PDE12: variants seen among roughly 807,000 people sequenced by gnomAD.
PDE12 encodes the protein 2',5'-phosphodiesterase 12.
PDE12 carries 26 observed loss-of-function variants against 45.4 expected under a neutral mutation model. The observed-to-expected ratio is 0.57, with a 90% CI of 0.42 to 0.79. The LOEUF (loss-of-function observed/expected upper bound fraction) is 0.79. PDE12 is among the 30% of genes least tolerant of loss of function. PDE12 has a pLI of 0.00. For synonymous variants in PDE12, 283 were observed against 323.9 expected, an observed-to-expected ratio of 0.87 and a Z score of 1.36; for missense variants, 668 against 790.0, an observed-to-expected ratio of 0.85 and a Z score of 1.85.
chr3:57,569,969 C>T (rs926284838), downstream of PDE12, among the ~76,000 whole-genome samples: 1 of 152,078 alleles, frequency 6.6e-6, no homozygotes, highest in South Asian at 2.1e-4. Context: ...ATACCTAGCC[C>T]TAACGCTGAA....
chr3:57,628,882 A>G, the PDE12 span: 1 of 1,611,888 alleles, frequency 6.2e-7, no homozygotes, highest in East Asian at 2.2e-5. Flanking sequence ...CAGAGAAGTA[A>G]GTCCTAGAAT....
chr3:57,593,168 G>A, the PDE12 span, among the ~76,000 whole-genome samples: 1 of 152,238 alleles, frequency 6.6e-6, no homozygotes, highest in East Asian at 1.9e-4. Context: ...CATGCCACCT[G>A]TATGTGCCCC....
chr3:57,646,031 C>A, the PDE12 span, among the ~76,000 whole-genome samples: 2 of 152,152 alleles, frequency 1.3e-5, no homozygotes, highest in Admixed American at 1.3e-4. Context: ...TGATCATTCA[C>A]ACAAGTAATA....
At chr3:57,606,665 G>A in the PDE12 span, among the ~76,000 whole-genome samples, 1 of 152,006 alleles carries the variant, frequency 6.6e-6, no homozygotes, top group African/African-American at 2.4e-5. Flanking sequence ...CAAAATTTAT[G>A]AACTATAATA....
the PDE12 span, chr3:57,646,545 C>T: frequency 7.1e-7 from 1 of 1,399,872 alleles, no homozygotes; most frequent in East Asian, 2.6e-5. Flanking sequence ...ATTCTTCCTG[C>T]TATTTGTATC....
At chr3:57,627,256 A>C in the PDE12 span, 1 of 152,180 alleles carries the variant, frequency 6.6e-6, no homozygotes, top group African/African-American at 2.4e-5. Flanking sequence ...TGATTCTCAC[A>C]TCTCAGCCTC....
At chr3:57,614,802 G>A in the PDE12 span, among the ~76,000 whole-genome samples, 3 of 151,690 alleles carry the variant, frequency 2.0e-5, no homozygotes, top group African/African-American at 7.2e-5. Context: ...AGACCAGCCT[G>A]ACCAAGATGA....
At chr3:57,589,144 G>A in the PDE12 span, among the ~76,000 whole-genome samples, 7 of 151,860 alleles carry the variant, frequency 4.6e-5, no homozygotes, top group Non-Finnish European at 1.0e-4. Context: ...GCACATGCCT[G>A]TAGTCCCAGC....
the PDE12 span, among the ~76,000 whole-genome samples, chr3:57,621,733 A>AGGGT: frequency 6.6e-6 from 1 of 152,294 alleles, no homozygotes; most frequent in South Asian, 2.1e-4. Flanking sequence ...ACAACACTTA[A>AGGGT]AAGAACAAAT....
At chr3:57,614,523 G>GTTTTTTTT in the PDE12 span, among the ~76,000 whole-genome samples, 1 of 132,024 alleles carries the variant, frequency 7.6e-6, no homozygotes, top group Non-Finnish European at 1.6e-5. Flanking sequence ...CCTGTAATCC[G>GTTTTTTTT]TTTTTTTTTT....
the PDE12 span, among the ~76,000 whole-genome samples, chr3:57,601,476 C>G: frequency 6.6e-6 from 1 of 150,572 alleles, no homozygotes; most frequent in Non-Finnish European, 1.5e-5. Context: ...ATTCCAGTCC[C>G]TTGGGTTTAA....
the PDE12 span, among the ~76,000 whole-genome samples, chr3:57,617,328 C>G: frequency 6.6e-6 from 1 of 151,578 alleles, no homozygotes; most frequent in Non-Finnish European, 1.5e-5. Context: ...TGCTTAAGCC[C>G]GGGAGGTCAA....
At chr3:57,629,723 C>T in the PDE12 span, among the ~76,000 whole-genome samples, 2 of 151,118 alleles carry the variant, frequency 1.3e-5, no homozygotes, top group Middle Eastern at 3.4e-3. Flanking sequence ...GGGGTTTCAC[C>T]GTGTTAGCCA....
rs546764634 is a variant in PDE12 at position 57,557,560 on chromosome 3, T to A, written c.1181T>A (p.Leu394His). 9 of 1,614,160 alleles carry A rather than the reference T, an allele frequency of 5.6e-6. No individual in the cohort carries two copies. In the South Asian group the frequency reaches 6.6e-5, roughly 12 times the overall value. The change falls in exon 1 of 3, where the codon CTT (leucine) becomes CAT (histidine). Residue 394 changes from leucine (L) to histidine (H), a missense_variant. Physicochemically the swap from Leu to His is moderately conservative, Grantham distance 99. Transcript: ENST00000311180. ...TACCGAAAGTCTAAGTTCAGCCTTCTTAGCCAGCATGACATTTCATTCTAC... is the reference window on the plus strand; with the variant it reads ...TACCGAAAGTCTAAGTTCAGCCTTCATAGCCAGCATGACATTTCATTCTAC... Reference protein sequence around the residue: ...TFYRKSKFSLLSQHDISFYEA... With the variant: ...TFYRKSKFSLHSQHDISFYEA...
the PDE12 span, among the ~76,000 whole-genome samples, chr3:57,643,700 G>A: frequency 1.3e-5 from 2 of 151,664 alleles, no homozygotes; most frequent in Non-Finnish European, 2.9e-5. Flanking sequence ...GGTGGTGCAT[G>A]CCTGTAATCC....
chr3:57,567,390 C>A (rs2069795615), downstream of PDE12, among the ~76,000 whole-genome samples: 1 of 152,122 alleles, frequency 6.6e-6, no homozygotes, highest in African/African-American at 2.4e-5. Flanking sequence ...GAACCTAACT[C>A]CGCTGCCTCT....
chr3:57,590,089 CAATAAATAAATAAATA>C, the PDE12 span, among the ~76,000 whole-genome samples: 43 of 135,206 alleles, frequency 3.2e-4, no homozygotes, highest in Admixed American at 1.4e-3. Flanking sequence ...GACTCTGTCT[CAATAAATAAATAAATA>C]AATAAATAAA....
chr3:57,580,579 AT>A, the PDE12 span, among the ~76,000 whole-genome samples: 1 of 147,906 alleles, frequency 6.8e-6, no homozygotes, highest in African/African-American at 2.5e-5. Context: ...TTTTTTTTTA[AT>A]TTTTTTTTGT....
At chr3:57,629,129 GCTT>G in the PDE12 span, among the ~76,000 whole-genome samples, 1 of 152,150 alleles carries the variant, frequency 6.6e-6, no homozygotes, top group African/African-American at 2.4e-5. Flanking sequence ...TACTGAGGTG[GCTT>G]TTTTAGATCA....
Sources: gnomAD v4.1 joint callset for allele counts (sites outside exome capture counted in the v4.1 genomes callset) on GRCh38, gnomAD v4.1.1 for gene constraint, MANE v1.5 for transcripts, NCBI Gene and HGNC (gene_info 2026-07-23, HGNC 2026-07-21) for gene names.